Variants in DOCK11 observed in about 807,000 individuals in gnomAD.
DOCK11 encodes dedicator of cytokinesis 11, also known as dedicator of cytokinesis protein 11.
Under a neutral mutation model 169.1 loss-of-function variants are expected in DOCK11, and 70 were observed. The observed-to-expected ratio is 0.41, with a 90% CI of 0.34 to 0.51. The LOEUF is 0.51. Among genes scored for constraint, DOCK11 ranks in the 20% least tolerant of loss-of-function variants. The pLI, the probability that DOCK11 is intolerant of heterozygous loss-of-function variation, is 0.10. For missense variants in DOCK11, 1,166 were observed against 1,538.8 expected (o/e 0.76, Z 4.05); for synonymous variants, 529 against 541.3 (o/e 0.98, Z 0.32).
Position 118,614,741 on chromosome X carries a change from A to G in DOCK11, c.3146A>G (p.Asp1049Gly). The part of the protein sequence containing the change: ...DRGFIFNLIN[D>G]YISGFSPKDP... ...GGATTTATTTTCAATTTAATAAATG[A>G]CTATATATCTGGATTCAGCCCCAAA... The change falls in exon 29 of 53, where the codon GAC becomes GGC. Residue 1049 changes from aspartate to glycine, a missense_variant. By Grantham distance (94) the Asp-to-Gly change is moderately conservative. Transcript: ENST00000276202. The G allele has an allele frequency of 8.4e-7, 1 of 1,195,675 alleles. No homozygotes were observed. Among genetic ancestry groups the G allele is most frequent in the Non-Finnish European group, 1.1e-6 (1 of 883,341 alleles).
At chrX:118,646,981 G>A (rs915283929) in intron 40 of DOCK11, among the ~76,000 whole-genome samples, 3 of 104,696 alleles carry the variant, frequency 2.9e-5, no homozygotes, top group Non-Finnish European at 4.0e-5. Context: ...ATGGGAAATT[G>A]TAACAAGTCT....
intron 28 of DOCK11, among the ~76,000 whole-genome samples, chrX:118,610,721 T>C (rs2014662025): frequency 8.9e-6 from 1 of 111,750 alleles, no homozygotes; most frequent in South Asian, 3.7e-4. Flanking sequence ...GGCATTGGCT[T>C]GTGTTCTATA....
intron 40 of DOCK11, among the ~76,000 whole-genome samples, chrX:118,648,540 TTATA>T (rs1167452936): frequency 1.1e-5 from 1 of 90,973 alleles, no homozygotes; most frequent in Non-Finnish European, 2.2e-5. Context: ...ATTTATATAT[TTATA>T]TATAACATAA....
intron 10 of DOCK11, chrX:118,569,501 A>T (rs1451429069): frequency 9.0e-6 from 1 of 111,229 alleles, no homozygotes; most frequent in African/African-American, 3.3e-5. Flanking sequence ...ATAACTCACT[A>T]CCTTTGGGCC....
intron 44 of DOCK11, among the ~76,000 whole-genome samples, chrX:118,657,642 A>T (rs1281795658): frequency 8.9e-6 from 1 of 111,957 alleles, no homozygotes; most frequent in Non-Finnish European, 1.9e-5. Context: ...TAATTAGCTG[A>T]TTCAACTATG....
chrX:118,537,744 C>CT (rs1172055305), intron 1 of DOCK11, among the ~76,000 whole-genome samples: 1 of 112,150 alleles, frequency 8.9e-6, no homozygotes, highest in Non-Finnish European at 1.9e-5. Flanking sequence ...ATTGTAAAGT[C>CT]TAAGTGGTGA....
chrX:118,667,094 T>A (rs2016354991), intron 45 of DOCK11, among the ~76,000 whole-genome samples: 1 of 111,980 alleles, frequency 8.9e-6, no homozygotes, highest in African/African-American at 3.2e-5. Context: ...TTGTGGGAGT[T>A]CTTTCCTGGA....
At chrX:118,670,439 A>G (rs750926182) in intron 45 of DOCK11, among the ~76,000 whole-genome samples, 4 of 111,823 alleles carry the variant, frequency 3.6e-5, no homozygotes, top group African/African-American at 1.3e-4. Context: ...TTGAGCTGTT[A>G]TCCTATCATT....
chrX:118,505,084 C>T (rs757494276), intron 1 of DOCK11, among the ~76,000 whole-genome samples: 5 of 112,329 alleles, frequency 4.5e-5, no homozygotes, highest in Non-Finnish European at 9.4e-5. Context: ...AGTGCAGTGA[C>T]ACGAACTTGG....
rs149761078 is a variant in DOCK11, at chrX:118,542,942, G to A, written c.236G>A (p.Arg79His). The change falls in exon 3 of 53, where the codon CGT becomes CAT. Residue 79 changes from arginine (R) to histidine (H), a missense_variant. By Grantham distance (29) the Arg-to-His change is conservative. Transcript: ENST00000276202. ...MEDISISVIG[R>H]QRRTVQSTVP... ...GTGTTCTAGATCTCGGTGATAGGTC[G>A]TCAACGCAGAACGGTGCAGTCTACT... 2.6e-5 allele frequency: 32 copies of A among 1,208,141 alleles called. No individual in the cohort carries two copies. The highest frequency in any genetic ancestry group is 2.3e-4 in the Middle Eastern group (1 of 4,370).
At chrX:118,566,802 G>T in intron 9 of DOCK11, 149 bp downstream of exon 9, 3 of 495,020 alleles carry the variant, frequency 6.1e-6, no homozygotes, top group Non-Finnish European at 9.6e-6. Context: ...TAAAAGAAAA[G>T]TTGCACTCCT....
intron 46 of DOCK11, among the ~76,000 whole-genome samples, chrX:118,675,686 C>T (rs990869101): frequency 2.8e-5 from 3 of 108,705 alleles, no homozygotes; most frequent in Non-Finnish European, 5.7e-5. Context: ...GCACATGTAT[C>T]CCCCCTTTTT....
intron 1 of DOCK11, among the ~76,000 whole-genome samples, chrX:118,525,617 A>G (rs1433752385): frequency 1.8e-5 from 2 of 111,765 alleles, no homozygotes; most frequent in East Asian, 5.6e-4. Flanking sequence ...ATGATTGCAG[A>G]GTAATGTGAA....
rs1268055772 is a variant in DOCK11 at position 118,600,522 on chromosome X, T to C, written c.2562+1294T>C. 2.7e-5 allele frequency among the ~76,000 whole-genome samples: 3 copies of C among 111,189 alleles called. No homozygotes were observed. In the Admixed American group the frequency reaches 2.9e-4, roughly 11 times the overall value. ...TATGGGCCAGGCATCATTCTAAGCA[T>C]TGGAAATTTAAGTGGAGAAAACAAA... On this transcript the variant is annotated intron_variant, in intron 23 of 52. Transcript: ENST00000276202.
chrX:118,672,816 T>C (rs2016518641), intron 46 of DOCK11, among the ~76,000 whole-genome samples: 1 of 112,658 alleles, frequency 8.9e-6, no homozygotes, highest in Non-Finnish European at 1.9e-5. Context: ...AGATTTAATA[T>C]AATCTGAGTA....
intron 13 of DOCK11, 125 bp downstream of exon 13, chrX:118,578,772 T>A (rs1390110929): frequency 1.6e-6 from 1 of 615,468 alleles, no homozygotes; most frequent in African/African-American, 2.3e-5. Context: ...TGTGTATGTT[T>A]GCTAAAACTT....
Position 118,600,094 on chromosome X carries a change from A to G in DOCK11, c.2562+866A>G, listed in dbSNP as rs755107857. 6.3e-4 allele frequency among the ~76,000 whole-genome samples: 70 copies of G among 111,367 alleles called. 2 individuals are homozygous for G. In the South Asian group the frequency reaches 0.021, roughly 34 times the overall value. On this transcript the variant is annotated intron_variant, in intron 23 of 52. Transcript: ENST00000276202. The stretch of plus-strand genomic sequence containing the variant: ...AGGATAACAATAGTGCCCATCTTGT[A>G]GGGTGGTTGTGAGACTTAAATGAGA...
intron 23 of DOCK11, among the ~76,000 whole-genome samples, chrX:118,602,094 CTTT>C (rs536697143): frequency 1.3e-5 from 1 of 74,638 alleles, no homozygotes; most frequent in Non-Finnish European, 2.5e-5. Context: ...CCGGCCAAGA[CTTT>C]TTTTTTTTTT....
chrX:118,608,286 C>T lies in DOCK11; in HGVS notation c.2807C>T (p.Thr936Ile), dbSNP rs767858916. The change falls in exon 26 of 53, where the codon ACC becomes ATC. Residue 936 changes from threonine (T) to isoleucine (I), a missense_variant. By Grantham distance (89) the Thr-to-Ile change is moderately conservative. Coordinates refer to ENST00000276202, the MANE Select transcript of DOCK11 (RefSeq NM_144658.4). ...CCTCAGGCCCAGCTGATACATGAAA[C>T]CCTGGCTACTACGATGATAGCAATA... ...SAPQAQLIHE[T>I]LATTMIAILK... 1 of 1,210,807 alleles carries T rather than the reference C, an allele frequency of 8.3e-7. No homozygotes were observed. Among genetic ancestry groups the T allele is most frequent in the Non-Finnish European group, 1.1e-6 (1 of 894,992 alleles).
Sources: gnomAD v4.1 joint callset for allele counts (sites outside exome capture counted in the v4.1 genomes callset) on GRCh38, gnomAD v4.1.1 for gene constraint, MANE v1.5 for transcripts, NCBI Gene and HGNC (gene_info 2026-07-23, HGNC 2026-07-21) for gene names.